EGLN1: variants seen among roughly 807,000 people sequenced by gnomAD.
EGLN1 encodes egl-9 family hypoxia inducible factor 1.
In EGLN1, 17 loss-of-function variants were observed where a neutral mutation model predicts 38.3. That is an observed-to-expected ratio of 0.44 (90% confidence interval 0.30 to 0.67). The LOEUF (loss-of-function observed/expected upper bound fraction) is 0.67. Among genes scored for constraint, EGLN1 ranks in the 30% least tolerant of loss-of-function variants. The pLI is 0.08. For synonymous variants in EGLN1, 283 were observed against 257.5 expected, an observed-to-expected ratio of 1.10 and a Z score of -0.95; for missense variants, 477 against 603.3, an observed-to-expected ratio of 0.79 and a Z score of 2.19.
rs144372250 is a variant in EGLN1, at chr1:231,420,900, A to G, written c.891+98T>C. ...AAGAAAGAGCGAGTCCCTTCTATATAGAGGAATGCTGCTTCTCAGCCTAGG... is the reference window on the plus strand; with the variant it reads ...AAGAAAGAGCGAGTCCCTTCTATATGGAGGAATGCTGCTTCTCAGCCTAGG... On this transcript the variant is annotated intron_variant, in intron 1 of 4. Coordinates refer to ENST00000366641, the MANE Select transcript of EGLN1 (RefSeq NM_022051.3). 3.0e-4 allele frequency: 488 copies of G among 1,609,320 alleles called. 2 individuals are homozygous for G. In the African/African-American group the frequency reaches 6.0e-3, roughly 20 times the overall value.
rs1228828348 is a variant in EGLN1 at position 231,421,430 on chromosome 1, T to C, written c.459A>G (p.Ser153=). The change falls in exon 1 of 5, where the codon TCA becomes TCG. Residue 153 remains serine, a synonymous_variant. Transcript: ENST00000366641. The surrounding 1 kb of genome is among the most constrained non-coding windows in gnomAD (Gnocchi z 5.5). The part of the protein sequence containing the change: ...EPGKEEPPAR[S]SLFQEKANLY... ...GGTTCGCCTTCTCCTGGAACAGCGA[T>C]GAGCGGGCCGGCGGCTCCTCCTTGC... is the stretch of plus-strand genomic sequence containing the variant. 8.4e-6 allele frequency: 13 copies of C among 1,554,846 alleles called. No individual in the cohort carries two copies. Among genetic ancestry groups the C allele is most frequent in the Non-Finnish European group, 1.0e-5 (12 of 1,148,128 alleles).
At chr1:231,374,146 A>G (rs989489581) in intron 1 of EGLN1, 47 bp from the exon 2 acceptor site, 2 of 1,560,032 alleles carry the variant, frequency 1.3e-6, no homozygotes, top group Admixed American at 1.7e-5. Flanking sequence ...TATAAATAAA[A>G]AGAGAGAACA....
intron 1 of EGLN1, among the ~76,000 whole-genome samples, chr1:231,398,780 G>C (rs527786335): frequency 2.6e-5 from 4 of 151,474 alleles, no homozygotes; most frequent in Admixed American, 2.6e-4. Flanking sequence ...ATAAAGTGAG[G>C]GTTTAACTAT....
chr1:231,396,831 C>T (rs749682187), intron 1 of EGLN1, among the ~76,000 whole-genome samples: 5 of 152,180 alleles, frequency 3.3e-5, no homozygotes, highest in African/African-American at 4.8e-5. Context: ...CCTACGGAAA[C>T]TTAGAACTAT....
At chr1:231,385,723 G>A (rs1445987942) in intron 1 of EGLN1, among the ~76,000 whole-genome samples, 1 of 152,178 alleles carries the variant, frequency 6.6e-6, no homozygotes, top group Non-Finnish European at 1.5e-5. Context: ...CATTCACTTC[G>A]GTAGGTGACT....
Position 231,364,608 on chromosome 1 carries a change from T to A in EGLN1, c.*1803A>T, listed in dbSNP as rs1687591072. 1 of 29,320 alleles carries A rather than the reference T, an allele frequency of 3.4e-5. No individual in the cohort carries two copies. Among genetic ancestry groups the A allele is most frequent in the Non-Finnish European group, 1.2e-4 (1 of 8,042 alleles). 1.8% of individuals were successfully genotyped at this position (29,320 alleles called of 1,614,324 possible). A position where few individuals can be genotyped will look rare whatever the true frequency, so the allele number is the denominator to read the frequency against. ...GTCCACTGTTGGCTTCACTACACAATTTTTTTCCATGTTTTACATGAATAG... is the reference window on the plus strand; with the variant it reads ...GTCCACTGTTGGCTTCACTACACAAATTTTTTCCATGTTTTACATGAATAG... On this transcript the variant is annotated 3_prime_UTR_variant, in exon 5 of 5. Coordinates refer to ENST00000366641, the MANE Select transcript of EGLN1 (RefSeq NM_022051.3).
At chr1:231,387,986 C>T (rs1054581447) in intron 1 of EGLN1, among the ~76,000 whole-genome samples, 2 of 152,186 alleles carry the variant, frequency 1.3e-5, no homozygotes, top group Non-Finnish European at 2.9e-5. Flanking sequence ...AAGTGATCTA[C>T]CCTGCTCATC....
intron 1 of EGLN1, among the ~76,000 whole-genome samples, chr1:231,418,807 G>A (rs1470297747): frequency 1.3e-5 from 2 of 151,396 alleles, no homozygotes; most frequent in East Asian, 3.9e-4. Context: ...AGCTGCAGTG[G>A]GCCATGCTTA....
chr1:231,379,232 G>C (rs747721936), intron 1 of EGLN1, among the ~76,000 whole-genome samples: 28 of 152,152 alleles, frequency 1.8e-4, no homozygotes, highest in Admixed American at 1.0e-3. Flanking sequence ...ATCCAGACTC[G>C]TAAGCGGCCC....
At chr1:231,397,674 T>C (rs760081188) in intron 1 of EGLN1, among the ~76,000 whole-genome samples, 2 of 152,220 alleles carry the variant, frequency 1.3e-5, no homozygotes, top group African/African-American at 2.4e-5. Context: ...GAACTGTGTT[T>C]TGTCTTTATG....
Position 231,421,919 on chromosome 1 carries a change from G to A in EGLN1, c.-31C>T, listed in dbSNP as rs1572058492. 4.3e-6 allele frequency: 6 copies of A among 1,379,930 alleles called. No individual in the cohort carries two copies. Among genetic ancestry groups the A allele is most frequent in the African/African-American group, 1.5e-5 (1 of 65,466 alleles). 85.5% of individuals were successfully genotyped at this position (1,379,930 alleles called of 1,614,324 possible). ...CGGCGGCGGCGGCGACGGCGACTGC[G>A]GCGGCCGAGCAGGAGGGGTAGCGGC... is the stretch of plus-strand genomic sequence containing the variant. On this transcript the variant is annotated 5_prime_UTR_variant, in exon 1 of 5. Transcript: ENST00000366641. This position sits in a 1 kb window ranked among gnomAD's most constrained non-coding sequence, Gnocchi z 5.5.
In EGLN1 at chr1:231,421,605, T is replaced by TTCCTGGGC; in HGVS notation, c.276_283dup (p.Lys95SerfsTer21). On this transcript the variant is annotated frameshift_variant, in exon 1 of 5. Coordinates refer to ENST00000366641, the MANE Select transcript of EGLN1 (RefSeq NM_022051.3). LOFTEE classifies it high-confidence loss of function. The surrounding 1 kb of genome is among the most constrained non-coding windows in gnomAD (Gnocchi z 5.5). ...GGCGTTGTCCCGGCGCGCCGCTGCC[T>TTCCTGGGC]TCCTGGGCTCCCGGGCCCCGGCCCT... 1 of 1,342,500 alleles carries TTCCTGGGC rather than the reference T, an allele frequency of 7.4e-7. No homozygotes were observed. The highest frequency in any genetic ancestry group is 9.5e-7 in the Non-Finnish European group (1 of 1,056,876). The allele number at this position is 1,342,500 out of a possible 1,614,324, so 83.2% of individuals were successfully genotyped here. A position where few individuals can be genotyped will look rare whatever the true frequency, so the allele number is the denominator to read the frequency against.
At chr1:231,391,186 A>ACGACCGACGCGTGTGTGT (rs1553353128) in intron 1 of EGLN1, among the ~76,000 whole-genome samples, 38 of 43,034 alleles carry the variant, frequency 8.8e-4, no homozygotes, top group Admixed American at 1.2e-3. Context: ...CATGGGCTCA[A>ACGACCGACGCGTGTGTGT]GTGATCCTCC....
At chr1:231,387,715 C>T (rs1460628541) in intron 1 of EGLN1, among the ~76,000 whole-genome samples, 1 of 152,152 alleles carries the variant, frequency 6.6e-6, no homozygotes, top group Non-Finnish European at 1.5e-5. Context: ...GAAAAACAGA[C>T]TGAGTACAAG....
rs200220557 is a variant in EGLN1, at chr1:231,421,271, G to T, written c.618C>A (p.Gly206=). The T allele has an allele frequency of 8.7e-6, 14 of 1,613,582 alleles. No homozygotes were observed. In the African/African-American group the frequency reaches 1.7e-4, roughly 20 times the overall value. ...EYIVPCMNKH[G]ICVVDDFLGK... Reference sequence around the variant, plus strand: ...CGAGGAAGTCGTCCACCACACAGATGCCGTGCTTGTTCATGCACGGCACGA... The same window carrying T: ...CGAGGAAGTCGTCCACCACACAGATTCCGTGCTTGTTCATGCACGGCACGA... Residue 206 remains glycine (G), a synonymous_variant, in exon 1 of 5, where the codon GGC becomes GGA. Coordinates refer to ENST00000366641, the MANE Select transcript of EGLN1 (RefSeq NM_022051.3). The surrounding 1 kb of genome is among the most constrained non-coding windows in gnomAD (Gnocchi z 5.5).
chr1:231,418,110 G>C (rs1689131904), intron 1 of EGLN1, among the ~76,000 whole-genome samples: 1 of 152,032 alleles, frequency 6.6e-6, no homozygotes, highest in Admixed American at 6.6e-5. Flanking sequence ...ATGTTATGAA[G>C]GATAAAATTC....
chr1:231,369,624 A>C, intron 3 of EGLN1: 2 of 983,644 alleles, frequency 2.0e-6, no homozygotes, highest in Non-Finnish European at 2.4e-6. Context: ...TGCAGGCAAC[A>C]CACCTCAGAA....
chr1:231,389,708 G>T (rs964641183), intron 1 of EGLN1, among the ~76,000 whole-genome samples: 2 of 152,278 alleles, frequency 1.3e-5, no homozygotes, highest in Admixed American at 6.5e-5. Context: ...CAGCACTTTG[G>T]GGGGCCGAGG....
At chr1:231,403,005 A>G (rs1572042416) in intron 1 of EGLN1, among the ~76,000 whole-genome samples, 1 of 151,996 alleles carries the variant, frequency 6.6e-6, no homozygotes, top group Non-Finnish European at 1.5e-5. Flanking sequence ...TTTGACCCAT[A>G]GGTTATTTAG....
Sources: allele counts gnomAD v4.1 joint callset (sites outside exome capture counted in the v4.1 genomes callset), GRCh38; gene constraint gnomAD v4.1.1; non-coding constraint Gnocchi (gnomAD v3.1); transcripts MANE v1.5; gene names NCBI Gene and HGNC (gene_info 2026-07-23, HGNC 2026-07-21).